Variants in IGF1R observed in about 807,000 individuals in gnomAD.
IGF1R encodes the protein insulin-like growth factor 1 receptor.
In IGF1R, 44 loss-of-function variants were observed where a neutral mutation model predicts 144.6. The ratio of observed to expected loss-of-function variants is 0.30; its 90% confidence interval spans 0.24 to 0.39. The LOEUF is 0.39. Ranked by LOEUF, IGF1R falls within the 10% of genes least tolerant of loss-of-function variation. IGF1R has a pLI of 1.00. For missense variants in IGF1R, 1,355 were observed against 1,833.7 expected, an observed-to-expected ratio of 0.74 and a Z score of 4.77; for synonymous variants, 795 against 722.8, an observed-to-expected ratio of 1.10 and a Z score of -1.60.
intron 2 of IGF1R, among the ~76,000 whole-genome samples, chr15:98,802,123 G>T (rs2056376221): frequency 6.6e-6 from 1 of 152,064 alleles, no homozygotes; most frequent in Non-Finnish European, 1.5e-5. Context: ...GTACAAGCTG[G>T]GTTTGTTACT....
intron 1 of IGF1R, among the ~76,000 whole-genome samples, chr15:98,665,065 C>T (rs866562470): frequency 1.3e-5 from 2 of 151,210 alleles, no homozygotes; most frequent in Admixed American, 6.6e-5. Context: ...TCACGCCATT[C>T]TCCTGCCTCA....
chr15:98,687,525 C>T (rs544905119), intron 1 of IGF1R, among the ~76,000 whole-genome samples: 1 of 152,322 alleles, frequency 6.6e-6, no homozygotes, highest in Admixed American at 6.5e-5. Flanking sequence ...GGATTTTTCT[C>T]TGGAAGGCAC....
At chr15:98,737,538 A>G (rs1481808006) in intron 2 of IGF1R, among the ~76,000 whole-genome samples, 1 of 152,196 alleles carries the variant, frequency 6.6e-6, no homozygotes, top group African/African-American at 2.4e-5. Context: ...AGCCCTGTCA[A>G]ATAAATTCTG....
chr15:98,662,013 A>AGTGC (rs1280041133), intron 1 of IGF1R, among the ~76,000 whole-genome samples: 7 of 127,240 alleles, frequency 5.5e-5, no homozygotes, highest in African/African-American at 2.2e-4. Context: ...CCCAGGCTGG[A>AGTGC]GTGCAGTGGT....
intron 2 of IGF1R, among the ~76,000 whole-genome samples, chr15:98,803,797 C>T (rs868681831): frequency 2.0e-5 from 3 of 152,136 alleles, no homozygotes; most frequent in South Asian, 2.1e-4. Flanking sequence ...TGAGCCACGG[C>T]GCCTGGCCAC....
chr15:98,911,034 G>A (rs111365913), intron 6 of IGF1R, among the ~76,000 whole-genome samples: 9 of 152,250 alleles, frequency 5.9e-5, no homozygotes, highest in South Asian at 2.1e-4. Context: ...CACTGAAGTC[G>A]CCCCTTGTTT....
intron 2 of IGF1R, among the ~76,000 whole-genome samples, chr15:98,777,438 G>C (rs1256438824): frequency 6.6e-6 from 1 of 152,222 alleles, no homozygotes; most frequent in Non-Finnish European, 1.5e-5. Flanking sequence ...GGCCCGGGGA[G>C]GCCCTGAGAA....
chr15:98,803,066 TAGAC>T lies in IGF1R; in HGVS notation c.641-88256_641-88253del, dbSNP rs534567422. Among the ~76,000 whole-genome samples, 227 of 152,306 alleles carry T rather than the reference TAGAC, an allele frequency of 1.5e-3. 1 individual carries two copies. The highest frequency in any genetic ancestry group is 6.8e-3 in the Middle Eastern group (2 of 294). The stretch of plus-strand genomic sequence containing the variant: ...ATTAAAAATGTACAGATCTCAGTAA[TAGAC>T]AGTCATATGTTGCTTAATGACAGGG... On this transcript the variant is annotated intron_variant, in intron 2 of 20. Transcript: ENST00000650285.
At chr15:98,852,443 C>G in intron 2 of IGF1R, among the ~76,000 whole-genome samples, 1 of 152,250 alleles carries the variant, frequency 6.6e-6, no homozygotes, top group East Asian at 1.9e-4. Context: ...CGGCCAATCG[C>G]TGCGTTGGGA....
chr15:98,899,557 G>C lies in IGF1R; in HGVS notation c.1183G>C (p.Ala395Pro). ...CTACGTGAAGATCCGCCATTCTCAT[G>C]CCTTGGTCTCCTTGTCCTTCCTAAA... ...TGYVKIRHSH[A>P]LVSLSFLKNL... Residue 395 changes from alanine (A) to proline (P), a missense_variant, in exon 5 of 21, where the codon GCC (alanine) becomes CCC (proline). Physicochemically the swap from Ala to Pro is conservative, Grantham distance 27. Transcript: ENST00000650285. The C allele has an allele frequency of 6.2e-7, 1 of 1,614,192 alleles. No individual in the cohort carries two copies. The highest frequency in any genetic ancestry group is 1.3e-5 in the African/African-American group (1 of 75,056).
chr15:98,713,196 C>G lies in IGF1R; in HGVS notation c.640+5089C>G, dbSNP rs566579513. Among the ~76,000 whole-genome samples, 24 of 152,208 alleles carry G rather than the reference C, an allele frequency of 1.6e-4. No homozygotes were observed. The South Asian group carries it at 4.6e-3, about 29-fold the overall frequency. ...CTGCAGATTTCGGGAGGCCTGTCTC[C>G]CAGCACCTGATGGGACACTTTTTGC... On this transcript the variant is annotated intron_variant, in intron 2 of 20. Coordinates refer to ENST00000650285, the MANE Select transcript of IGF1R (RefSeq NM_000875.5).
At chr15:98,792,024 T>A (rs1462758337) in intron 2 of IGF1R, among the ~76,000 whole-genome samples, 3 of 152,232 alleles carry the variant, frequency 2.0e-5, no homozygotes, top group Non-Finnish European at 4.4e-5. Flanking sequence ...TCTCCCTGTT[T>A]GTGGGGCCCA....
chr15:98,719,540 C>T (rs551458826), intron 2 of IGF1R, among the ~76,000 whole-genome samples: 46 of 152,274 alleles, frequency 3.0e-4, no homozygotes, highest in Middle Eastern at 3.4e-3. Context: ...TCTGGGTGTG[C>T]CTAGCAAAGC....
At chr15:98,739,397 A>G (rs1186516779) in intron 2 of IGF1R, among the ~76,000 whole-genome samples, 3 of 152,062 alleles carry the variant, frequency 2.0e-5, no homozygotes, top group African/African-American at 4.8e-5. Context: ...CGGCACTTTG[A>G]TGTTTTTTCA....
intron 7 of IGF1R, among the ~76,000 whole-genome samples, chr15:98,912,143 T>C (rs1226618198): frequency 6.8e-6 from 1 of 146,678 alleles, no homozygotes; most frequent in Non-Finnish European, 1.5e-5. Context: ...CCCGGTCTAC[T>C]TAGCCATCCC....
At chr15:98,658,395 G>A (rs564094494) in intron 1 of IGF1R, among the ~76,000 whole-genome samples, 69 of 152,322 alleles carry the variant, frequency 4.5e-4, no homozygotes, top group Non-Finnish European at 7.8e-4. Flanking sequence ...TGATAGAAAT[G>A]CGGAGACTTA....
At chr15:98,854,157 C>T (rs979634197) in intron 2 of IGF1R, among the ~76,000 whole-genome samples, 1 of 152,156 alleles carries the variant, frequency 6.6e-6, no homozygotes, top group African/African-American at 2.4e-5. Context: ...AGAGCTGGTG[C>T]AGAGTTTTGC....
At chr15:98,903,412 G>T (rs922213293) in intron 5 of IGF1R, among the ~76,000 whole-genome samples, 1 of 152,218 alleles carries the variant, frequency 6.6e-6, no homozygotes, top group Non-Finnish European at 1.5e-5. Flanking sequence ...TGTGCAACAC[G>T]CAGTGCTTTG....
chr15:98,831,041 A>C (rs1344230253), intron 2 of IGF1R, among the ~76,000 whole-genome samples: 1 of 151,938 alleles, frequency 6.6e-6, no homozygotes, highest in African/African-American at 2.4e-5. Context: ...GTGAGAACTC[A>C]CTCTTTACTG....
Sources: allele counts gnomAD v4.1 joint callset (sites outside exome capture counted in the v4.1 genomes callset), GRCh38; gene constraint gnomAD v4.1.1; transcripts MANE v1.5; gene names NCBI Gene and HGNC (gene_info 2026-07-23, HGNC 2026-07-21).